Variants in ADRA1A observed in about 807,000 individuals in gnomAD.
ADRA1A encodes adrenoceptor alpha 1A.
In ADRA1A, 31 loss-of-function variants were observed where a neutral mutation model predicts 29.6. The observed-to-expected ratio is 1.05, with a 90% CI of 0.79 to 1.41. The LOEUF (loss-of-function observed/expected upper bound fraction) is 1.41, where lower values mean the gene tolerates loss of function less well. ADRA1A is among the 40% of genes most tolerant of loss of function. ADRA1A has a pLI of 0.00. For synonymous variants in ADRA1A, 311 were observed against 254.3 expected (o/e 1.22, Z -2.12); for missense variants, 619 against 601.1 (o/e 1.03, Z -0.31).
intron 2 of ADRA1A, among the ~76,000 whole-genome samples, chr8:26,798,152 T>C (rs1808315952): frequency 6.6e-6 from 1 of 152,182 alleles, no homozygotes; most frequent in African/African-American, 2.4e-5. Context: ...CTACTTTTTG[T>C]ATTTTTAGTA....
At chr8:26,783,151 C>T (rs1807119859) in intron 2 of ADRA1A, among the ~76,000 whole-genome samples, 1 of 152,178 alleles carries the variant, frequency 6.6e-6, no homozygotes, top group South Asian at 2.1e-4. Flanking sequence ...ATGACACTAT[C>T]CCTCCCTTGA....
At chr8:26,803,921 T>TTC (rs1554499778) in intron 2 of ADRA1A, among the ~76,000 whole-genome samples, 144 of 135,670 alleles carry the variant, frequency 1.1e-3, no homozygotes, top group African/African-American at 4.0e-3. Flanking sequence ...GAAGTTTCCT[T>TTC]TTTTTTTTTT....
At position 26,865,559 on chromosome 8, in the gene ADRA1A, G is replaced by A; in HGVS notation, c.-590C>T. 1 of 992,092 alleles carries A rather than the reference G, an allele frequency of 1.0e-6. No homozygotes were observed. Among genetic ancestry groups the A allele is most frequent in the Non-Finnish European group, 1.2e-6 (1 of 834,086 alleles). 61.5% of individuals were successfully genotyped at this position (992,092 alleles called of 1,614,324 possible). ...TTGAGCTGCCCCACCGAAGGCTCCT[G>A]CTCTCTCCAGCTTCTAGGAGCACAG... On this transcript the variant is annotated 5_prime_UTR_variant, in exon 2 of 3. Coordinates refer to ENST00000380573, the MANE Select transcript of ADRA1A (RefSeq NM_000680.4). The surrounding 1 kb of genome is among the most constrained non-coding windows in gnomAD (Gnocchi z 7.6).
chr8:26,759,122 C>A (rs1805365718), intron 2 of ADRA1A, among the ~76,000 whole-genome samples: 1 of 152,130 alleles, frequency 6.6e-6, no homozygotes, highest in Admixed American at 6.5e-5. Context: ...ACTTGTTATA[C>A]CCAGAGATAA....
chr8:26,817,399 T>G, intron 2 of ADRA1A, among the ~76,000 whole-genome samples: 1 of 152,188 alleles, frequency 6.6e-6, no homozygotes, highest in East Asian at 1.9e-4. Flanking sequence ...CCTGACAATT[T>G]TGTGTACTGG....
chr8:26,862,921 G>A (rs1029429192), intron 2 of ADRA1A, among the ~76,000 whole-genome samples: 3 of 152,180 alleles, frequency 2.0e-5, no homozygotes, highest in Admixed American at 6.5e-5. Context: ...CCTTCCCATG[G>A]CTTGTGATTG....
intron 2 of ADRA1A, chr8:26,854,556 A>G (rs1812884632): frequency 6.6e-6 from 1 of 152,062 alleles, no homozygotes; most frequent in African/African-American, 2.4e-5. Flanking sequence ...TGTGGAAGGA[A>G]CCCACCAGGC....
Position 26,769,321 on chromosome 8 carries a change from G to A in ADRA1A, c.*828C>T. On this transcript the variant is annotated 3_prime_UTR_variant, in exon 3 of 3. Coordinates refer to ENST00000380573, the MANE Select transcript of ADRA1A (RefSeq NM_000680.4). Reference sequence around the variant, plus strand: ...AACCTCTTGCTCTTTAAAGATATTAGAGAGAAAGCCTATCATCATCTGATC... The same window carrying A: ...AACCTCTTGCTCTTTAAAGATATTAAAGAGAAAGCCTATCATCATCTGATC... 1 of 985,154 alleles carries A rather than the reference G, an allele frequency of 1.0e-6. No homozygotes were observed. 61.0% of individuals were successfully genotyped at this position (985,154 alleles called of 1,614,324 possible). A position where few individuals can be genotyped will look rare whatever the true frequency, so the allele number is the denominator to read the frequency against.
intron 2 of ADRA1A, among the ~76,000 whole-genome samples, chr8:26,760,490 A>T (rs1805448250): frequency 6.6e-6 from 1 of 152,222 alleles, no homozygotes; most frequent in African/African-American, 2.4e-5. Context: ...CTATGAGAAG[A>T]GTAGAGGAAA....
intron 2 of ADRA1A, among the ~76,000 whole-genome samples, chr8:26,834,924 G>A (rs148451801): frequency 1.6e-3 from 242 of 152,190 alleles, no homozygotes; most frequent in South Asian, 2.1e-3. Context: ...TCAAATCATC[G>A]TGTAAAGGGC....
intron 2 of ADRA1A, among the ~76,000 whole-genome samples, chr8:26,856,529 T>C (rs117710302): frequency 0.018 from 2,701 of 152,352 alleles, 29 homozygotes; most frequent in Middle Eastern, 0.058. Flanking sequence ...CTCTTGTTTC[T>C]GGCCACAGTG....
intron 2 of ADRA1A, among the ~76,000 whole-genome samples, chr8:26,794,256 A>C (rs551957473): frequency 6.6e-6 from 1 of 152,220 alleles, no homozygotes; most frequent in East Asian, 1.9e-4. Context: ...ACACCATTAG[A>C]TTCTGCATCA....
In ADRA1A at chr8:26,867,254, T is replaced by C; in HGVS notation, c.-1005A>G. 6.1e-6 allele frequency: 6 copies of C among 985,456 alleles called. No individual in the cohort carries two copies. The highest frequency in any genetic ancestry group is 7.2e-6 in the Non-Finnish European group (6 of 829,954). 61.0% of individuals were successfully genotyped at this position (985,456 alleles called of 1,614,324 possible). A position where few individuals can be genotyped will look rare whatever the true frequency, so the allele number is the denominator to read the frequency against. On this transcript the variant is annotated 5_prime_UTR_variant, in exon 1 of 3. Transcript: ENST00000380573. ...ACACCAGAAAAGAATAGCAAGGAACTTTGCAGCTCTCGCTGACGTAACTCA... is the reference window on the plus strand; with the variant it reads ...ACACCAGAAAAGAATAGCAAGGAACCTTGCAGCTCTCGCTGACGTAACTCA...
intron 2 of ADRA1A, among the ~76,000 whole-genome samples, chr8:26,748,960 T>A (rs766295465): frequency 6.6e-6 from 1 of 152,072 alleles, no homozygotes; most frequent in African/African-American, 2.4e-5. Context: ...TCACCTTTTG[T>A]ATTGGAGAAA....
At position 26,864,753 on chromosome 8, in the gene ADRA1A, G is replaced by A. The variant is rs781501725; in HGVS notation, c.217C>T (p.Leu73Phe). Residue 73 changes from leucine to phenylalanine, a missense_variant, in exon 2 of 3, where the codon CTC (leucine) becomes TTC (phenylalanine). Coordinates refer to ENST00000380573, the MANE Select transcript of ADRA1A (RefSeq NM_000680.4). The surrounding 1 kb of genome is among the most constrained non-coding windows in gnomAD (Gnocchi z 8.1). ...GGCAGCACCGTGGAGGTGAGCAGGA[G>A]GTCGGCCACCGCCAGGTTGACGATG... ...YYIVNLAVADLLLTSTVLPFS... is the reference protein window; with the variant it reads ...YYIVNLAVADFLLTSTVLPFS... 2.5e-6 allele frequency: 4 copies of A among 1,614,176 alleles called. No homozygotes were observed. The South Asian group carries it at 3.3e-5, about 13-fold the overall frequency.
chr8:26,852,329 T>C (rs1812699315), intron 2 of ADRA1A, among the ~76,000 whole-genome samples: 1 of 152,138 alleles, frequency 6.6e-6, no homozygotes, highest in Non-Finnish European at 1.5e-5. Context: ...ACATTCTGGG[T>C]AAGCTAATAT....
At chr8:26,803,468 C>T (rs1282185979) in intron 2 of ADRA1A, among the ~76,000 whole-genome samples, 40 of 151,980 alleles carry the variant, frequency 2.6e-4, no homozygotes, top group Admixed American at 2.6e-3. Context: ...AAAAGCTAAA[C>T]CTATAAAGCT....
intron 2 of ADRA1A, among the ~76,000 whole-genome samples, chr8:26,797,490 G>C (rs573239149): frequency 6.6e-6 from 1 of 151,780 alleles, no homozygotes; most frequent in South Asian, 2.1e-4. Context: ...GTGAAGATGG[G>C]GTCTCATTAT....
intron 2 of ADRA1A, among the ~76,000 whole-genome samples, chr8:26,843,119 T>C (rs1291854934): frequency 2.0e-5 from 3 of 152,216 alleles, no homozygotes; most frequent in Non-Finnish European, 4.4e-5. Flanking sequence ...ATGAGTGTTA[T>C]CTTGTCCTGA....
Sources: allele counts gnomAD v4.1 joint callset (sites outside exome capture counted in the v4.1 genomes callset), GRCh38; gene constraint gnomAD v4.1.1; non-coding constraint Gnocchi (gnomAD v3.1); transcripts MANE v1.5; gene names NCBI Gene and HGNC (gene_info 2026-07-23, HGNC 2026-07-21).